Variants in GRK4 observed in about 807,000 individuals in gnomAD.
GRK4 encodes the protein G protein-coupled receptor kinase 2-like.
A neutral mutation model predicts 77.9 loss-of-function variants in GRK4; 73 were observed. The observed-to-expected ratio is 0.94, with a 90% CI of 0.78 to 1.14. The LOEUF (loss-of-function observed/expected upper bound fraction) is 1.14. Among genes scored for constraint, GRK4 ranks in the 50% most tolerant of loss-of-function variants. The pLI is 0.00. For synonymous variants in GRK4, 257 were observed against 254.4 expected, an observed-to-expected ratio of 1.01 and a Z score of -0.10; for missense variants, 729 against 700.2, an observed-to-expected ratio of 1.04 and a Z score of -0.46.
intron 14 of GRK4, among the ~76,000 whole-genome samples, chr4:3,037,918 C>G (rs1023441633): frequency 9.2e-4 from 101 of 109,964 alleles, no homozygotes; most frequent in African/African-American, 2.9e-3. Flanking sequence ...TCGTCTCACC[C>G]AAAAAAAAAA....
chr4:3,013,355 AAAG>A (rs1251743974), intron 7 of GRK4, among the ~76,000 whole-genome samples: 4 of 152,030 alleles, frequency 2.6e-5, no homozygotes, highest in African/African-American at 9.7e-5. Flanking sequence ...CCCAGCTGAA[AAAG>A]AATCTTTTCA....
At chr4:3,031,205 G>A (rs1739075234) in intron 12 of GRK4, among the ~76,000 whole-genome samples, 1 of 152,194 alleles carries the variant, frequency 6.6e-6, no homozygotes, top group African/African-American at 2.4e-5. Flanking sequence ...CGGAGAGGAG[G>A]CAGAGTCTGT....
At chr4:2,973,820 G>A (rs977702602) in intron 1 of GRK4, among the ~76,000 whole-genome samples, 1 of 152,102 alleles carries the variant, frequency 6.6e-6, no homozygotes, top group African/African-American at 2.4e-5. Context: ...CCCCTCCTCT[G>A]AACTCTCTTC....
chr4:2,995,770 A>G (rs1277806254), intron 4 of GRK4, among the ~76,000 whole-genome samples: 1 of 152,130 alleles, frequency 6.6e-6, no homozygotes, highest in Non-Finnish European at 1.5e-5. Flanking sequence ...GGCCTTGGTT[A>G]CTGGCAGGGT....
At chr4:2,973,904 C>A (rs1720342494) in intron 1 of GRK4, among the ~76,000 whole-genome samples, 1 of 152,226 alleles carries the variant, frequency 6.6e-6, no homozygotes, top group African/African-American at 2.4e-5. Context: ...CCAACCTCAT[C>A]CGCCCTCTCT....
intron 4 of GRK4, among the ~76,000 whole-genome samples, chr4:2,993,563 A>AG (rs1726916710): frequency 6.6e-6 from 1 of 152,178 alleles, no homozygotes; most frequent in Non-Finnish European, 1.5e-5. Flanking sequence ...AATCCCAGCT[A>AG]ATAGGGAGGC....
chr4:2,978,565 C>G (rs1389776501), intron 1 of GRK4, among the ~76,000 whole-genome samples: 1 of 152,190 alleles, frequency 6.6e-6, no homozygotes, highest in African/African-American at 2.4e-5. Flanking sequence ...GGCTCAAAAT[C>G]GTAGTTGGCA....
At chr4:3,036,848 G>C (rs1740789554) in intron 13 of GRK4, among the ~76,000 whole-genome samples, 2 of 152,198 alleles carry the variant, frequency 1.3e-5, no homozygotes, top group Admixed American at 1.3e-4. Flanking sequence ...TTTGCCAGGA[G>C]TGCACCAAGA....
intron 1 of GRK4, chr4:2,965,103 T>A: frequency 1.7e-6 from 1 of 605,448 alleles, no homozygotes; most frequent in Non-Finnish European, 3.0e-6. Context: ...TAACTGCCTT[T>A]GTTTTGCTTC....
intron 2 of GRK4, 83 bp downstream of exon 2, chr4:2,984,691 A>T (rs760100460): frequency 1.6e-6 from 1 of 628,322 alleles, no homozygotes. Flanking sequence ...CTTGAGTTCC[A>T]TGTTTGTTTC....
intron 4 of GRK4, among the ~76,000 whole-genome samples, chr4:2,996,045 G>A (rs1176112148): frequency 6.6e-6 from 1 of 152,118 alleles, no homozygotes; most frequent in East Asian, 1.9e-4. Context: ...TAATTCGAAG[G>A]GGCTCACATT....
intron 4 of GRK4, among the ~76,000 whole-genome samples, chr4:3,003,392 T>C (rs950885865): frequency 6.6e-6 from 1 of 152,106 alleles, no homozygotes. Context: ...GGTTTCACCA[T>C]GTTGGCCAGG....
At chr4:3,033,649 C>T (rs1462316328) in intron 12 of GRK4, among the ~76,000 whole-genome samples, 3 of 152,132 alleles carry the variant, frequency 2.0e-5, no homozygotes, top group Non-Finnish European at 2.9e-5. Context: ...TACAGTGGTG[C>T]GACCTCAGCT....
intron 1 of GRK4, among the ~76,000 whole-genome samples, chr4:2,975,754 T>C (rs1720943979): frequency 6.6e-6 from 1 of 152,204 alleles, no homozygotes; most frequent in Admixed American, 6.5e-5. Context: ...CAAGGCTGTC[T>C]TCATCCTGGA....
Position 2,992,246 on chromosome 4 carries a change from G to A in GRK4, c.293G>A (p.Arg98Gln), listed in dbSNP as rs371204790. 1.4e-5 allele frequency: 22 copies of A among 1,610,624 alleles called. No homozygotes were observed. The East Asian group carries it at 2.2e-4, about 16-fold the overall frequency. ...TATGAAGTTGCCGATGATGAGGACC[G>A]AAGTGATTGTGGACTGTCAATCTTA... ...AEYEVADDED[R>Q]SDCGLSILDR... The change falls in exon 4 of 16, where the codon CGA becomes CAA. Residue 98 changes from arginine (R) to glutamine (Q), a missense_variant. By Grantham distance (43) the Arg-to-Gln change is conservative. Coordinates refer to ENST00000398052, the MANE Select transcript of GRK4 (RefSeq NM_182982.3).
chr4:2,991,159 C>T (rs990066882), intron 3 of GRK4, among the ~76,000 whole-genome samples: 3 of 152,126 alleles, frequency 2.0e-5, no homozygotes, highest in Non-Finnish European at 4.4e-5. Context: ...ATCTGTAGGG[C>T]GGACCGTCAG....
chr4:3,013,839 C>T lies in GRK4; in HGVS notation c.741+11C>T, dbSNP rs1228293759. ...CAAAGTAGATTCGTAGTAAGTGTCT[C>T]CTCTTAGTCTTCACTGTGCATTGTT... On this transcript the variant is annotated intron_variant, in intron 8 of 15. Transcript: ENST00000398052. 2.5e-6 allele frequency: 4 copies of T among 1,602,682 alleles called. No individual in the cohort carries two copies. Among genetic ancestry groups the T allele is most frequent in the East Asian group, 2.2e-5 (1 of 44,798 alleles).
chr4:3,000,218 T>G (rs1729118486), intron 4 of GRK4, among the ~76,000 whole-genome samples: 2 of 152,142 alleles, frequency 1.3e-5, no homozygotes, highest in African/African-American at 4.8e-5. Flanking sequence ...TTGCCATACT[T>G]CAGGTCACCT....
At chr4:3,006,177 C>T (rs533962940) in intron 5 of GRK4, among the ~76,000 whole-genome samples, 6 of 151,978 alleles carry the variant, frequency 3.9e-5, no homozygotes, top group Admixed American at 2.0e-4. Flanking sequence ...GTCAGGAGTT[C>T]GAGACCAACC....
Sources: gnomAD v4.1 joint callset for allele counts (sites outside exome capture counted in the v4.1 genomes callset) on GRCh38, gnomAD v4.1.1 for gene constraint, MANE v1.5 for transcripts, NCBI Gene and HGNC (gene_info 2026-07-23, HGNC 2026-07-21) for gene names.